Variants in EFNA5 observed in about 807,000 individuals in gnomAD.
EFNA5 encodes ephrin-A5.
In EFNA5, 5 loss-of-function variants were observed where a neutral mutation model predicts 22.9. That is an observed-to-expected ratio of 0.22 (90% CI 0.11 to 0.46). The LOEUF (loss-of-function observed/expected upper bound fraction) is 0.46. Ranked by LOEUF, EFNA5 falls within the 20% of genes least tolerant of loss-of-function variation. The probability of loss-of-function intolerance (pLI) is 0.99; values close to 1 mark genes in which losing one functional copy is unlikely to be tolerated. For missense variants in EFNA5, 237 were observed against 293.3 expected (o/e 0.81, Z 1.40); for synonymous variants, 113 against 112.2 (o/e 1.01, Z -0.04).
At chr5:107,392,638 T>C (rs1018302441) in intron 2 of EFNA5, among the ~76,000 whole-genome samples, 7 of 152,232 alleles carry the variant, frequency 4.6e-5, no homozygotes, top group African/African-American at 1.7e-4. Context: ...AACGTTGTTT[T>C]AGCCACAAAA....
At chr5:107,631,237 T>C (rs556910802) in intron 1 of EFNA5, among the ~76,000 whole-genome samples, 7 of 148,674 alleles carry the variant, frequency 4.7e-5, no homozygotes, top group African/African-American at 1.7e-4. Context: ...AAAACATTGT[T>C]ACATAGGGCC....
chr5:107,666,320 A>G (rs26735), intron 1 of EFNA5, among the ~76,000 whole-genome samples: 91,312 of 150,030 alleles, frequency 0.61, 28,602 homozygotes, highest in East Asian at 0.88. Flanking sequence ...TATGATTAGG[A>G]AAAAAAAAAT....
At chr5:107,573,872 T>C (rs1328346207) in intron 1 of EFNA5, among the ~76,000 whole-genome samples, 1 of 152,170 alleles carries the variant, frequency 6.6e-6, no homozygotes, top group African/African-American at 2.4e-5. Context: ...GTCAAGACAT[T>C]TGCAATCTGT....
intron 1 of EFNA5, among the ~76,000 whole-genome samples, chr5:107,432,539 G>A (rs1045245315): frequency 2.0e-5 from 3 of 152,122 alleles, no homozygotes; most frequent in Admixed American, 1.3e-4. Flanking sequence ...TGTACACCAA[G>A]CCAGCAATAA....
intron 1 of EFNA5, among the ~76,000 whole-genome samples, chr5:107,564,636 T>G (rs112742790): frequency 0.035 from 3,559 of 102,234 alleles, 60 homozygotes; most frequent in Non-Finnish European, 0.056. Flanking sequence ...TTTTTGTTTT[T>G]TTTTTTTTTT....
At chr5:107,613,204 C>T (rs1381444967) in intron 1 of EFNA5, among the ~76,000 whole-genome samples, 1 of 152,034 alleles carries the variant, frequency 6.6e-6, no homozygotes, top group African/African-American at 2.4e-5. Context: ...TTGCTAGTTA[C>T]TCATTTCTAA....
intron 1 of EFNA5, among the ~76,000 whole-genome samples, chr5:107,615,475 A>C (rs1749894084): frequency 6.6e-6 from 1 of 152,152 alleles, no homozygotes; most frequent in Non-Finnish European, 1.5e-5. Flanking sequence ...ATGCGCACTT[A>C]CAGTTTTGGA....
chr5:107,424,986 G>A (rs533538091), intron 2 of EFNA5, among the ~76,000 whole-genome samples: 31 of 152,168 alleles, frequency 2.0e-4, no homozygotes, highest in African/African-American at 7.2e-4. Context: ...CTAATTTTGT[G>A]CTATTTTACC....
intron 1 of EFNA5, among the ~76,000 whole-genome samples, chr5:107,468,440 C>G (rs1001932417): frequency 2.1e-4 from 32 of 152,196 alleles, no homozygotes; most frequent in African/African-American, 5.8e-4. Flanking sequence ...CAGTTCCTCA[C>G]TTGACAGTGC....
chr5:107,627,046 T>G (rs1446912625), intron 1 of EFNA5, among the ~76,000 whole-genome samples: 1 of 152,252 alleles, frequency 6.6e-6, no homozygotes, highest in Admixed American at 6.5e-5. Context: ...GAACTGTTCA[T>G]TAAGGGTTGC....
intron 1 of EFNA5, among the ~76,000 whole-genome samples, chr5:107,560,884 A>G (rs1748521110): frequency 6.6e-6 from 1 of 152,234 alleles, no homozygotes; most frequent in Admixed American, 6.5e-5. Flanking sequence ...CCAAGCTCTA[A>G]GGATCCAGAA....
At chr5:107,417,893 A>G (rs1561377314) in intron 2 of EFNA5, among the ~76,000 whole-genome samples, 1 of 152,222 alleles carries the variant, frequency 6.6e-6, no homozygotes, top group Non-Finnish European at 1.5e-5. Context: ...TGGTGAAAAT[A>G]GAGCAAGAAT....
rs1355841595 is a variant in EFNA5, at chr5:107,660,271, T to TATAA, written c.125+10217_125+10218insTTAT. 3.3e-3 allele frequency among the ~76,000 whole-genome samples: 105 copies of TATAA among 32,196 alleles called. 2 individuals carry two copies. Among genetic ancestry groups the TATAA allele is most frequent in the Non-Finnish European group, 4.5e-3 (80 of 17,650 alleles). 21.1% of individuals were successfully genotyped at this position (32,196 alleles called of 152,430 possible). A position where few individuals can be genotyped will look rare whatever the true frequency, so the allele number is the denominator to read the frequency against. ...CTGAGATGGCAAAAACATATATATA[T>TATAA]ATATATATATATATATATATATATA... On this transcript the variant is annotated intron_variant, in intron 1 of 4. Coordinates refer to ENST00000333274, the MANE Select transcript of EFNA5 (RefSeq NM_001962.3).
At chr5:107,426,577 T>C (rs957463838) in intron 2 of EFNA5, among the ~76,000 whole-genome samples, 5 of 152,220 alleles carry the variant, frequency 3.3e-5, no homozygotes, top group Non-Finnish European at 7.3e-5. Flanking sequence ...TTCTGATTAA[T>C]ACAGAAGTCT....
intron 1 of EFNA5, among the ~76,000 whole-genome samples, chr5:107,565,139 G>A (rs139313359): frequency 2.4e-4 from 37 of 152,280 alleles, no homozygotes; most frequent in African/African-American, 8.2e-4. Flanking sequence ...AAAACCTTCT[G>A]TGGTTTCAGG....
At chr5:107,669,767 C>G (rs114895935) in intron 1 of EFNA5, among the ~76,000 whole-genome samples, 1,608 of 152,246 alleles carry the variant, frequency 0.011, 20 homozygotes, top group Non-Finnish European at 0.018. Flanking sequence ...GCAGCTTGTT[C>G]TGCACACATG....
chr5:107,449,803 GTCTCTGGAGAAGTAAACTTT>G (rs1217202888), intron 1 of EFNA5, among the ~76,000 whole-genome samples: 9 of 152,162 alleles, frequency 5.9e-5, no homozygotes, highest in African/African-American at 1.9e-4. Flanking sequence ...CTGCATTACT[GTCTCTGGAGAAGTAAACTTT>G]TCCTCTTCCA....
intron 1 of EFNA5, among the ~76,000 whole-genome samples, chr5:107,610,190 G>A (rs550460604): frequency 2.6e-5 from 4 of 152,322 alleles, no homozygotes; most frequent in African/African-American, 9.6e-5. Flanking sequence ...GCAGCCCTTC[G>A]AAGAGTTATT....
intron 1 of EFNA5, among the ~76,000 whole-genome samples, chr5:107,466,243 A>G (rs148348486): frequency 4.6e-5 from 7 of 152,224 alleles, no homozygotes; most frequent in South Asian, 4.1e-4. Context: ...GAGACAATAG[A>G]CGGCTCATAA....
Sources: allele counts gnomAD v4.1 joint callset (sites outside exome capture counted in the v4.1 genomes callset), GRCh38; gene constraint gnomAD v4.1.1; transcripts MANE v1.5; gene names NCBI Gene and HGNC (gene_info 2026-07-23, HGNC 2026-07-21).